The following DOK6 variants were observed in gnomAD, a reference collection of about 807,000 sequenced individuals.
DOK6 encodes docking protein 6.
A neutral mutation model predicts 44.0 loss-of-function variants in DOK6; 22 were observed. That is an observed-to-expected ratio of 0.50 (90% CI 0.36 to 0.71). The LOEUF (loss-of-function observed/expected upper bound fraction) is 0.71, where lower values mean the gene tolerates loss of function less well. Among genes scored for constraint, DOK6 ranks in the 30% least tolerant of loss-of-function variants. The probability of loss-of-function intolerance (pLI) is 0.00; values close to 1 mark genes in which losing one functional copy is unlikely to be tolerated. For missense variants in DOK6, 340 were observed against 416.4 expected, an observed-to-expected ratio of 0.82 and a Z score of 1.60; for synonymous variants, 166 against 145.5, an observed-to-expected ratio of 1.14 and a Z score of -1.01.
At chr18:69,617,783 G>A (rs539057133) in intron 3 of DOK6, among the ~76,000 whole-genome samples, 17 of 150,302 alleles carry the variant, frequency 1.1e-4, no homozygotes, top group Non-Finnish European at 2.5e-4. Context: ...CGGAGGGAGG[G>A]AGGGAGAGAA....
At chr18:69,824,819 C>T (rs749761878) in intron 7 of DOK6, among the ~76,000 whole-genome samples, 14 of 152,296 alleles carry the variant, frequency 9.2e-5, no homozygotes, top group Admixed American at 3.9e-4. Context: ...CTTTAAATTG[C>T]GGCTCCGCAG....
intron 7 of DOK6, among the ~76,000 whole-genome samples, chr18:69,821,118 A>G (rs547600516): frequency 5.3e-5 from 8 of 152,186 alleles, no homozygotes; most frequent in Non-Finnish European, 1.0e-4. Context: ...TGTTAATACA[A>G]TCATGTGAAC....
intron 1 of DOK6, among the ~76,000 whole-genome samples, chr18:69,562,332 T>C (rs1982854594): frequency 6.6e-6 from 1 of 152,100 alleles, no homozygotes. Context: ...TTGTCAAAGA[T>C]AGATAGTTGT....
intron 2 of DOK6, among the ~76,000 whole-genome samples, chr18:69,588,924 A>G (rs12608022): frequency 0.12 from 17,834 of 152,086 alleles, 1,180 homozygotes; most frequent in East Asian, 0.26. Context: ...GGGATAGTCA[A>G]GTGGTGAGCC....
At chr18:69,656,324 C>A (rs1312945835) in intron 3 of DOK6, among the ~76,000 whole-genome samples, 2 of 152,008 alleles carry the variant, frequency 1.3e-5, no homozygotes, top group Non-Finnish European at 2.9e-5. Flanking sequence ...AAAGGAGTAC[C>A]AAAAACATAT....
Position 69,620,239 on chromosome 18 carries a change from A to G in DOK6, c.289+20741A>G, listed in dbSNP as rs191840376. Among the ~76,000 whole-genome samples, 5 of 152,318 alleles carry G rather than the reference A, an allele frequency of 3.3e-5. No individual in the cohort carries two copies. The East Asian group carries it at 9.6e-4, about 29-fold the overall frequency. ...TTGCTTTGCATTTTCTGAAATTTATATAAACAAGTATTATACTCCATTATT... is the reference window on the plus strand; with the variant it reads ...TTGCTTTGCATTTTCTGAAATTTATGTAAACAAGTATTATACTCCATTATT... On this transcript the variant is annotated intron_variant, in intron 3 of 7. Transcript: ENST00000382713.
In DOK6 at chr18:69,739,382, G is replaced by A. The variant is rs553111205; in HGVS notation, c.738+279G>A. ...GAGAGTAGATTGCATGAAATAAGAA[G>A]CAATGCTGTCTGCATGTCCCCACAT... On this transcript the variant is annotated intron_variant, in intron 6 of 7. Transcript: ENST00000382713. 1.2e-4 allele frequency among the ~76,000 whole-genome samples: 18 copies of A among 152,324 alleles called. No homozygotes were observed. In the South Asian group the frequency reaches 3.7e-3, roughly 32 times the overall value.
chr18:69,686,369 C>T (rs1435896386), intron 4 of DOK6, among the ~76,000 whole-genome samples: 1 of 152,154 alleles, frequency 6.6e-6, no homozygotes, highest in Non-Finnish European at 1.5e-5. Flanking sequence ...AGTTGCTCTA[C>T]AGTTTTGGGC....
intron 1 of DOK6, among the ~76,000 whole-genome samples, chr18:69,427,277 A>G (rs184949050): frequency 6.6e-6 from 1 of 152,306 alleles, no homozygotes; most frequent in East Asian, 1.9e-4. Context: ...CAAAATTACA[A>G]GGAAAAAACA....
intron 1 of DOK6, among the ~76,000 whole-genome samples, chr18:69,493,347 G>A (rs1011835133): frequency 2.0e-5 from 3 of 152,140 alleles, no homozygotes; most frequent in Non-Finnish European, 4.4e-5. Context: ...ATGTTTAGTG[G>A]CCAAGACATG....
intron 5 of DOK6, among the ~76,000 whole-genome samples, chr18:69,731,740 CT>C (rs1388614788): frequency 6.6e-6 from 1 of 152,142 alleles, no homozygotes; most frequent in East Asian, 1.9e-4. Flanking sequence ...AATGCAGAGA[CT>C]AAATACTATT....
intron 3 of DOK6, among the ~76,000 whole-genome samples, chr18:69,648,157 G>A (rs17081438): frequency 0.12 from 17,751 of 151,874 alleles, 1,151 homozygotes; most frequent in Admixed American, 0.18. Flanking sequence ...ATGAAACTAC[G>A]GCCACATTCA....
chr18:69,689,490 T>A, intron 4 of DOK6, among the ~76,000 whole-genome samples: 1 of 152,166 alleles, frequency 6.6e-6, no homozygotes, highest in East Asian at 1.9e-4. Context: ...AAACAAACAG[T>A]AGATGTAATT....
chr18:69,665,105 C>A (rs915991052), intron 3 of DOK6, among the ~76,000 whole-genome samples: 1 of 151,942 alleles, frequency 6.6e-6, no homozygotes, highest in African/African-American at 2.4e-5. Flanking sequence ...CGCTTGAACA[C>A]GGGAGATGGA....
chr18:69,531,139 C>T (rs974345342), intron 1 of DOK6, among the ~76,000 whole-genome samples: 2 of 150,748 alleles, frequency 1.3e-5, no homozygotes, highest in African/African-American at 4.9e-5. Context: ...TTATTTTGAG[C>T]CTTTGTGTGT....
At chr18:69,423,628 G>A (rs1027229917) in intron 1 of DOK6, among the ~76,000 whole-genome samples, 1 of 152,154 alleles carries the variant, frequency 6.6e-6, no homozygotes, top group African/African-American at 2.4e-5. Flanking sequence ...TTTAAAATGT[G>A]TGTATGTTCA....
intron 7 of DOK6, among the ~76,000 whole-genome samples, chr18:69,803,857 C>CA (rs1035763856): frequency 2.0e-5 from 3 of 151,880 alleles, no homozygotes; most frequent in African/African-American, 4.8e-5. Context: ...GGCTCCGTCT[C>CA]AAAAAAATAT....
chr18:69,461,163 C>T (rs1979776862), intron 1 of DOK6, among the ~76,000 whole-genome samples: 1 of 152,124 alleles, frequency 6.6e-6, no homozygotes, highest in Non-Finnish European at 1.5e-5. Flanking sequence ...AACACATATA[C>T]TTCAGAAACA....
chr18:69,480,208 C>T (rs749232786), intron 1 of DOK6, among the ~76,000 whole-genome samples: 1 of 151,652 alleles, frequency 6.6e-6, no homozygotes. Context: ...TTTATGGACT[C>T]TATCATTTTA....
Sources: gnomAD v4.1 joint callset for allele counts (sites outside exome capture counted in the v4.1 genomes callset) on GRCh38, gnomAD v4.1.1 for gene constraint, MANE v1.5 for transcripts, NCBI Gene and HGNC (gene_info 2026-07-23, HGNC 2026-07-21) for gene names.